The following DNAJC25 variants were observed in gnomAD, a reference collection of about 807,000 sequenced individuals.
DNAJC25 encodes the protein DnaJ heat shock protein family (Hsp40) member C25.
Under a neutral mutation model 42.1 loss-of-function variants are expected in DNAJC25, and 26 were observed. The ratio of observed to expected loss-of-function variants is 0.62; its 90% CI spans 0.45 to 0.86. DNAJC25 has a LOEUF of 0.86. Ranked by LOEUF, DNAJC25 falls within the 40% of genes least tolerant of loss-of-function variation. The pLI is 0.00. For missense variants in DNAJC25, 404 were observed against 459.4 expected, an observed-to-expected ratio of 0.88 and a Z score of 1.10; for synonymous variants, 189 against 179.9, an observed-to-expected ratio of 1.05 and a Z score of -0.40.
chr9:111,645,339 C>T (rs2131266220), intron 1 of DNAJC25, among the ~76,000 whole-genome samples: 1 of 151,978 alleles, frequency 6.6e-6, no homozygotes, highest in African/African-American at 2.4e-5. Context: ...ACTGCAACCT[C>T]CACCTCCCAG....
chr9:111,653,036 C>T (rs1830687544), intron 3 of DNAJC25, 64 bp from the exon 4 acceptor site: 10 of 1,427,700 alleles, frequency 7.0e-6, no homozygotes, highest in Non-Finnish European at 9.2e-6. Context: ...GTAAATATGC[C>T]ATAAAGCTAA....
chr9:111,640,977 G>T (rs1830448553), intron 1 of DNAJC25, among the ~76,000 whole-genome samples: 1 of 103,532 alleles, frequency 9.7e-6, no homozygotes, highest in Non-Finnish European at 1.8e-5. Context: ...CGCCTGGCCA[G>T]CCGTGCCGTC....
chr9:111,651,219 G>A (rs1423095057), intron 3 of DNAJC25, among the ~76,000 whole-genome samples: 1 of 137,202 alleles, frequency 7.3e-6, no homozygotes, highest in Non-Finnish European at 1.5e-5. Flanking sequence ...AGCCAAGATT[G>A]TACCACTGCA....
chr9:111,647,639 C>A lies in DNAJC25; in HGVS notation c.489+380C>A, dbSNP rs559923832. Among the ~76,000 whole-genome samples, 115 of 152,218 alleles carry A rather than the reference C, an allele frequency of 7.6e-4. 1 individual carries two copies. The highest frequency in any genetic ancestry group is 1.4e-3 in the Non-Finnish European group (96 of 68,034). Reference sequence around the variant, plus strand: ...AACCTGGCCTAACAAGTCCTGGCACCAGTCACCAAATGCCAGTAGTGCTTG... The same window carrying A: ...AACCTGGCCTAACAAGTCCTGGCACAAGTCACCAAATGCCAGTAGTGCTTG... On this transcript the variant is annotated intron_variant, in intron 2 of 3. Coordinates refer to ENST00000313525, the MANE Select transcript of DNAJC25 (RefSeq NM_001015882.3).
intron 2 of DNAJC25, among the ~76,000 whole-genome samples, chr9:111,648,434 GTAT>G (rs1830600194): frequency 7.1e-6 from 1 of 140,886 alleles, no homozygotes; most frequent in African/African-American, 2.6e-5. Flanking sequence ...GCTAATTTTT[GTAT>G]TTTTTTTTTT....
chr9:111,653,042 G>A (rs961631936), intron 3 of DNAJC25, 58 bp from the exon 4 acceptor site: 5 of 1,446,312 alleles, frequency 3.5e-6, no homozygotes, highest in Admixed American at 2.4e-5. Flanking sequence ...ATGCCATAAA[G>A]CTAATGGCAA....
intron 1 of DNAJC25, among the ~76,000 whole-genome samples, chr9:111,645,565 A>C (rs901624252): frequency 1.3e-5 from 2 of 152,100 alleles, no homozygotes; most frequent in African/African-American, 2.4e-5. Flanking sequence ...CAAAATTCTT[A>C]ATAGAAAATA....
At chr9:111,652,915 CAAAT>C (rs71861596) in intron 3 of DNAJC25, among the ~76,000 whole-genome samples, 181 bp from the exon 4 acceptor site, 22,346 of 151,422 alleles carry the variant, frequency 0.15, 2,895 homozygotes, top group African/African-American at 0.35. Flanking sequence ...TGGTAAATTG[CAAAT>C]AAATAAATAA....
chr9:111,647,842 A>C (rs1830590651), intron 2 of DNAJC25, among the ~76,000 whole-genome samples: 1 of 152,074 alleles, frequency 6.6e-6, no homozygotes, highest in Admixed American at 6.5e-5. Context: ...GCAGTGGCAC[A>C]ATTTCGGCTC....
At chr9:111,646,437 G>A (rs1308931969) in intron 1 of DNAJC25, among the ~76,000 whole-genome samples, 1 of 152,212 alleles carries the variant, frequency 6.6e-6, no homozygotes, top group Non-Finnish European at 1.5e-5. Flanking sequence ...ACCTGGGCTG[G>A]ACAACATATT....
intron 1 of DNAJC25, among the ~76,000 whole-genome samples, chr9:111,639,448 C>A (rs1039412571): frequency 2.0e-5 from 3 of 152,072 alleles, no homozygotes; most frequent in African/African-American, 7.2e-5. Flanking sequence ...AAAACAGTTA[C>A]AAGCATTACT....
Position 111,652,048 on chromosome 9 carries a change from C to G in DNAJC25, c.961-1052C>G, listed in dbSNP as rs72748086. ...TGTTCCTTGGTTAAGATCACCAAAT[C>G]TGAAAGTCATCAGTTAAATTTACAA... On this transcript the variant is annotated intron_variant, in intron 3 of 3. Coordinates refer to ENST00000313525, the MANE Select transcript of DNAJC25 (RefSeq NM_001015882.3). 1.3e-3 allele frequency among the ~76,000 whole-genome samples: 203 copies of G among 152,120 alleles called. 1 individual carries two copies. The highest frequency in any genetic ancestry group is 2.5e-3 in the Non-Finnish European group (172 of 67,990).
At chr9:111,639,769 TAC>T (rs1362070573) in intron 1 of DNAJC25, among the ~76,000 whole-genome samples, 4 of 151,528 alleles carry the variant, frequency 2.6e-5, no homozygotes, top group Non-Finnish European at 4.4e-5. Context: ...AATACAGTAA[TAC>T]ATTTTCATAT....
intron 2 of DNAJC25, 126 bp from the exon 3 acceptor site, chr9:111,649,327 T>C (rs1215533944): frequency 7.1e-7 from 1 of 1,409,958 alleles, no homozygotes; most frequent in African/African-American, 1.5e-5. Flanking sequence ...GTAAGATCTT[T>C]GAGATCCCTA....
At chr9:111,652,145 C>CAGTTAAATTGA (rs1830670383) in intron 3 of DNAJC25, among the ~76,000 whole-genome samples, 1 of 151,872 alleles carries the variant, frequency 6.6e-6, no homozygotes, top group Non-Finnish European at 1.5e-5. Flanking sequence ...AATGTTAAGC[C>CAGTTAAATTGA]CTTTAAACTC....
Position 111,631,443 on chromosome 9 carries a change from CG to C in DNAJC25, c.40del (p.Ala14LeufsTer43). ...CGCTGCTCTCTCCCGGCTGGGGAGCCGGGGCTGCCGGCCGGCGCTGGTGGAT... is the reference window on the plus strand; with the variant it reads ...CGCTGCTCTCTCCCGGCTGGGGAGCCGGGCTGCCGGCCGGCGCTGGTGGAT... ...APLLSPGWGAGAAGRRWWMLL... is the reference protein window; with the variant it reads ...APLLSPGWGAXAAGRRWWMLL... On this transcript the variant is annotated frameshift_variant, in exon 1 of 4. Transcript: ENST00000313525. LOFTEE classifies it high-confidence loss of function. The C allele has an allele frequency of 7.7e-7, 1 of 1,300,240 alleles. No homozygotes were observed. Among genetic ancestry groups the C allele is most frequent in the South Asian group, 2.5e-5 (1 of 40,786 alleles). 80.5% of individuals were successfully genotyped at this position (1,300,240 alleles called of 1,614,324 possible). A position where few individuals can be genotyped will look rare whatever the true frequency, so the allele number is the denominator to read the frequency against.
chr9:111,636,664 ATTAAG>A (rs1830366550), intron 1 of DNAJC25, among the ~76,000 whole-genome samples: 1 of 152,140 alleles, frequency 6.6e-6, no homozygotes, highest in Admixed American at 6.5e-5. Flanking sequence ...AAACAACCAA[ATTAAG>A]TTAATTTATA....
chr9:111,639,678 C>CA (rs1488619698), intron 1 of DNAJC25, among the ~76,000 whole-genome samples: 1 of 141,712 alleles, frequency 7.1e-6, no homozygotes, highest in African/African-American at 2.6e-5. Flanking sequence ...AGGATCATTT[C>CA]AAAAAAATGT....
In DNAJC25 at chr9:111,636,835, G is replaced by T. The variant is rs543365410; in HGVS notation, c.336+5092G>T. On this transcript the variant is annotated intron_variant, in intron 1 of 3. Transcript: ENST00000313525. ...GATAGTAATGTTTCCCATGGCCCTG[G>T]AAAAATGATGTGGTAGTGTATGTAC... Among the ~76,000 whole-genome samples, 13 of 152,198 alleles carry T rather than the reference G, an allele frequency of 8.5e-5. No individual in the cohort carries two copies. In the South Asian group the frequency reaches 2.7e-3, roughly 32 times the overall value.
Sources: allele counts gnomAD v4.1 joint callset (sites outside exome capture counted in the v4.1 genomes callset), GRCh38; gene constraint gnomAD v4.1.1; transcripts MANE v1.5; gene names NCBI Gene and HGNC (gene_info 2026-07-23, HGNC 2026-07-21).